Variants in DNAH12 observed in about 807,000 individuals in gnomAD.
DNAH12 encodes the protein dynein axonemal heavy chain 12.
In DNAH12, 285 loss-of-function variants were observed where a neutral mutation model predicts 371.5. That is an observed-to-expected ratio of 0.77 (90% CI 0.70 to 0.85). The LOEUF (loss-of-function observed/expected upper bound fraction) is 0.85, where lower values mean the gene tolerates loss of function less well. Ranked by LOEUF, DNAH12 falls within the 40% of genes least tolerant of loss-of-function variation. DNAH12 has a pLI of 0.00. For synonymous variants in DNAH12, 1,200 were observed against 1,213.0 expected, an observed-to-expected ratio of 0.99 and a Z score of 0.22; for missense variants, 3,611 against 3,689.4, an observed-to-expected ratio of 0.98 and a Z score of 0.55.
chr3:57,494,659 C>T (rs1234154294), intron 11 of DNAH12, among the ~76,000 whole-genome samples: 1 of 152,090 alleles, frequency 6.6e-6, no homozygotes, highest in Non-Finnish European at 1.5e-5. Flanking sequence ...GTAAAACGAA[C>T]TCAGATTAGA....
chr3:57,492,992 G>A (rs981726786), intron 11 of DNAH12, among the ~76,000 whole-genome samples: 1 of 140,966 alleles, frequency 7.1e-6, no homozygotes, highest in East Asian at 2.0e-4. Context: ...GCGACAGGGC[G>A]AAACTCCATC....
chr3:57,483,878 G>A (rs1042425426), intron 12 of DNAH12, among the ~76,000 whole-genome samples: 4 of 149,610 alleles, frequency 2.7e-5, no homozygotes, highest in Non-Finnish European at 4.4e-5. Flanking sequence ...CTTGAGCTTG[G>A]GAGGTTGAGC....
chr3:57,427,689 G>T, intron 34 of DNAH12, among the ~76,000 whole-genome samples: 1 of 151,194 alleles, frequency 6.6e-6, no homozygotes, highest in East Asian at 2.0e-4. Flanking sequence ...GACAGAGCAA[G>T]ACTCCATCTC....
At chr3:57,338,546 G>A (rs147544367) in intron 60 of DNAH12, among the ~76,000 whole-genome samples, 3,556 of 145,396 alleles carry the variant, frequency 0.024, 64 homozygotes, top group Middle Eastern at 0.042. Flanking sequence ...GTCTCTGCCC[G>A]GCCGCCACCT....
chr3:57,333,111 T>G (rs1003060731), intron 62 of DNAH12, among the ~76,000 whole-genome samples: 1 of 152,066 alleles, frequency 6.6e-6, no homozygotes, highest in East Asian at 1.9e-4. Context: ...TTATTATTAT[T>G]TTTTATGAGA....
intron 62 of DNAH12, among the ~76,000 whole-genome samples, chr3:57,331,741 A>C (rs1434837447): frequency 7.0e-6 from 1 of 142,744 alleles, no homozygotes; most frequent in Non-Finnish European, 1.5e-5. Flanking sequence ...TTCTTTCCTC[A>C]AACAAACCTT....
chr3:57,416,002 G>C (rs1025453744), intron 37 of DNAH12, among the ~76,000 whole-genome samples: 1 of 151,900 alleles, frequency 6.6e-6, no homozygotes, highest in African/African-American at 2.4e-5. Context: ...TGGCCAGGCT[G>C]GTCTTGAACT....
chr3:57,372,081 T>C (rs1345332583), intron 55 of DNAH12, among the ~76,000 whole-genome samples: 1 of 151,822 alleles, frequency 6.6e-6, no homozygotes, highest in Non-Finnish European at 1.5e-5. Context: ...AGGGTAACTA[T>C]AGTTAACAAT....
intron 60 of DNAH12, among the ~76,000 whole-genome samples, chr3:57,337,676 G>A (rs894909412): frequency 1.6e-4 from 24 of 151,886 alleles, no homozygotes; most frequent in Non-Finnish European, 3.1e-4. Context: ...ATATATATAT[G>A]TGTGTATATA....
intron 69 of DNAH12, among the ~76,000 whole-genome samples, 172 bp downstream of exon 69, chr3:57,308,979 G>A (rs1373661653): frequency 1.3e-5 from 2 of 151,786 alleles, no homozygotes; most frequent in Non-Finnish European, 2.9e-5. Context: ...CCCACTCTAG[G>A]TTCCCACACC....
At chr3:57,308,348 T>A (rs995270502) in intron 69 of DNAH12, among the ~76,000 whole-genome samples, 9 of 152,174 alleles carry the variant, frequency 5.9e-5, no homozygotes, top group African/African-American at 1.9e-4. Context: ...AGTGAACTAA[T>A]GGTCTTTTAA....
intron 43 of DNAH12, chr3:57,402,320 T>C (rs965691565): frequency 3.8e-5 from 42 of 1,118,642 alleles, no homozygotes; most frequent in South Asian, 7.3e-5. Context: ...CTTTTTTTTT[T>C]CCACTTTGTA....
At position 57,501,303 on chromosome 3, in the gene DNAH12, A is replaced by G; in HGVS notation, c.1335+18T>C. On this transcript the variant is annotated intron_variant, in intron 11 of 73. Transcript: ENST00000495027. ...AAAAAATTCAAAACGCATTAATAAAAACAGAATTACCGCTTACCTCTGTAT... is the reference window on the plus strand; with the variant it reads ...AAAAAATTCAAAACGCATTAATAAAGACAGAATTACCGCTTACCTCTGTAT... The G allele has an allele frequency of 6.3e-7, 1 of 1,587,812 alleles. No individual in the cohort carries two copies.
upstream of DNAH12, chr3:57,548,941 GT>G (rs953621972): frequency 2.0e-5 from 3 of 152,124 alleles, no homozygotes; most frequent in Non-Finnish European, 4.4e-5. Context: ...GCATTCCATA[GT>G]TTTTTTAAAA....
chr3:57,542,647 C>T lies in DNAH12; in HGVS notation c.170+54G>A, dbSNP rs1166792578. Reference sequence around the variant, plus strand: ...AAAACTTTTTAGGAGAATATGAACACTAATCATTTTACTTGAATTCCAAGC... The same window carrying T: ...AAAACTTTTTAGGAGAATATGAACATTAATCATTTTACTTGAATTCCAAGC... On this transcript the variant is annotated intron_variant, in intron 2 of 73. Coordinates refer to ENST00000495027, the MANE Select transcript of DNAH12 (RefSeq NM_001366028.2). 16 of 1,527,084 alleles carry T rather than the reference C, an allele frequency of 1.0e-5. No individual in the cohort carries two copies. In the South Asian group the frequency reaches 1.5e-4, roughly 15 times the overall value. 94.6% of individuals were successfully genotyped at this position (1,527,084 alleles called of 1,614,324 possible).
At chr3:57,418,981 G>A (rs1029037874) in intron 37 of DNAH12, among the ~76,000 whole-genome samples, 2 of 152,132 alleles carry the variant, frequency 1.3e-5, no homozygotes, top group Non-Finnish European at 2.9e-5. Context: ...ACTGGCATAG[G>A]ACATAGGTGA....
chr3:57,508,334 A>C (rs1373746172), intron 7 of DNAH12, 48 bp downstream of exon 7: 1 of 1,487,540 alleles, frequency 6.7e-7, no homozygotes, highest in Admixed American at 2.5e-5. Flanking sequence ...TCAAAAATAT[A>C]GACTCAAGCA....
intron 40 of DNAH12, among the ~76,000 whole-genome samples, chr3:57,407,453 T>C (rs551156000): frequency 1.3e-5 from 2 of 152,146 alleles, no homozygotes; most frequent in African/African-American, 2.4e-5. Context: ...TCTTTGCTCA[T>C]AGTAGTTTCT....
chr3:57,456,266 T>C (rs6445884), intron 22 of DNAH12, among the ~76,000 whole-genome samples: 104,884 of 151,992 alleles, frequency 0.69, 36,399 homozygotes, highest in South Asian at 0.8. Context: ...CAAGATTTAT[T>C]TGTAGGAACA....
Sources: gnomAD v4.1 joint callset for allele counts (sites outside exome capture counted in the v4.1 genomes callset) on GRCh38, gnomAD v4.1.1 for gene constraint, MANE v1.5 for transcripts, NCBI Gene and HGNC (gene_info 2026-07-23, HGNC 2026-07-21) for gene names.